Variants in IMMP2L observed in about 807,000 individuals in gnomAD.
The protein encoded by IMMP2L is inner mitochondrial membrane peptidase subunit 2.
Under a neutral mutation model 19.3 loss-of-function variants are expected in IMMP2L, and 18 were observed. The observed-to-expected ratio is 0.93, with a 90% CI of 0.64 to 1.38. IMMP2L has a LOEUF of 1.38. Among genes scored for constraint, IMMP2L ranks in the 40% most tolerant of loss-of-function variants. The probability of loss-of-function intolerance (pLI) is 0.00; values close to 1 mark genes in which losing one functional copy is unlikely to be tolerated. For missense variants in IMMP2L, 233 were observed against 218.2 expected, an observed-to-expected ratio of 1.07 and a Z score of -0.43; for synonymous variants, 76 against 73.0, an observed-to-expected ratio of 1.04 and a Z score of -0.21.
At chr7:111,553,482 T>A (rs1790916195) in intron 1 of IMMP2L, among the ~76,000 whole-genome samples, 1 of 152,146 alleles carries the variant, frequency 6.6e-6, no homozygotes. Flanking sequence ...TGTGGAGTTG[T>A]TACTATTTTC....
chr7:111,224,997 C>T (rs929565657), intron 3 of IMMP2L, among the ~76,000 whole-genome samples: 2 of 152,108 alleles, frequency 1.3e-5, no homozygotes, highest in African/African-American at 4.8e-5. Flanking sequence ...GCACTCACTG[C>T]AACTAGAGTA....
chr7:111,507,542 CAG>C (rs1845042315), intron 2 of IMMP2L, among the ~76,000 whole-genome samples: 1 of 152,114 alleles, frequency 6.6e-6, no homozygotes, highest in Non-Finnish European at 1.5e-5. Context: ...TTTCTATTAA[CAG>C]TTGTTTGCCA....
intron 3 of IMMP2L, among the ~76,000 whole-genome samples, chr7:111,352,715 C>T (rs1584761894): frequency 6.6e-6 from 1 of 152,140 alleles, no homozygotes; most frequent in Non-Finnish European, 1.5e-5. Context: ...GAAGTTCACA[C>T]AGCAGCCGCA....
chr7:110,945,459 G>A (rs1817158660), intron 4 of IMMP2L, among the ~76,000 whole-genome samples: 1 of 151,776 alleles, frequency 6.6e-6, no homozygotes. Context: ...TCCCTTTTTG[G>A]GAGACCTCAA....
chr7:111,339,836 A>G (rs1826833681), intron 3 of IMMP2L, among the ~76,000 whole-genome samples: 1 of 151,988 alleles, frequency 6.6e-6, no homozygotes, highest in South Asian at 2.1e-4. Context: ...TCCAAACACC[A>G]TACTGAAAGG....
intron 3 of IMMP2L, among the ~76,000 whole-genome samples, chr7:111,471,232 T>TA (rs1260735750): frequency 1.5e-4 from 23 of 152,050 alleles, no homozygotes; most frequent in Non-Finnish European, 2.8e-4. Context: ...TGTTTGGAAA[T>TA]AAACATCAGT....
chr7:111,338,203 A>G lies in IMMP2L; in HGVS notation c.239+149035T>C, dbSNP rs140305767. Among the ~76,000 whole-genome samples the G allele has an allele frequency of 4.3e-4, 65 of 152,284 alleles. 1 individual carries two copies. Among genetic ancestry groups the G allele is most frequent in the African/African-American group, 1.4e-3 (59 of 41,566 alleles). On this transcript the variant is annotated intron_variant, in intron 3 of 5. Transcript: ENST00000405709. Reference sequence around the variant, plus strand: ...ATGATAACTGTAGGGCAAAGATGAGATCAGTTTAACAGAGGAGAGTGTTTG... The same window carrying G: ...ATGATAACTGTAGGGCAAAGATGAGGTCAGTTTAACAGAGGAGAGTGTTTG...
At chr7:110,868,425 T>G (rs185273858) in intron 5 of IMMP2L, among the ~76,000 whole-genome samples, 2 of 152,136 alleles carry the variant, frequency 1.3e-5, no homozygotes, top group Admixed American at 1.3e-4. Flanking sequence ...AAGTGTAAAG[T>G]GGCACAGTAG....
At chr7:110,887,262 T>TA (rs777304036) in intron 4 of IMMP2L, among the ~76,000 whole-genome samples, 2 of 152,110 alleles carry the variant, frequency 1.3e-5, no homozygotes, top group African/African-American at 4.8e-5. Context: ...TAACCAGCAC[T>TA]AAAGTATTCC....
intron 5 of IMMP2L, among the ~76,000 whole-genome samples, chr7:110,744,917 C>T (rs569225682): frequency 7.2e-5 from 11 of 152,042 alleles, no homozygotes; most frequent in East Asian, 1.9e-4. Flanking sequence ...AATTGACAGA[C>T]GTTAAGCTCC....
intron 3 of IMMP2L, among the ~76,000 whole-genome samples, chr7:111,078,118 C>T (rs1175928151): frequency 3.3e-5 from 5 of 152,132 alleles, no homozygotes; most frequent in Non-Finnish European, 5.9e-5. Context: ...GCCTATTTAT[C>T]GTCTACCTCT....
intron 3 of IMMP2L, among the ~76,000 whole-genome samples, chr7:111,281,194 GAAAGA>G: frequency 1.9e-5 from 1 of 52,302 alleles, no homozygotes; most frequent in Admixed American, 2.2e-4. Context: ...AAGAAAGAAA[GAAAGA>G]AAGAAAGAAA....
intron 1 of IMMP2L, among the ~76,000 whole-genome samples, chr7:111,534,644 G>C (rs938415549): frequency 2.6e-5 from 4 of 152,016 alleles, no homozygotes; most frequent in African/African-American, 9.7e-5. Flanking sequence ...TGCTACAATA[G>C]CTATTTCTTA....
intron 5 of IMMP2L, among the ~76,000 whole-genome samples, chr7:110,691,015 C>A (rs797021039): frequency 7.9e-5 from 12 of 152,166 alleles, no homozygotes; most frequent in African/African-American, 2.9e-4. Context: ...ATAGCCATAA[C>A]AATCCTAAAC....
intron 3 of IMMP2L, among the ~76,000 whole-genome samples, chr7:111,236,249 C>T (rs912857856): frequency 6.6e-6 from 1 of 151,900 alleles, no homozygotes; most frequent in Non-Finnish European, 1.5e-5. Flanking sequence ...ATGATTTTCA[C>T]CTTTTGGGGT....
chr7:110,688,039 TGGA>T (rs1793240787), intron 5 of IMMP2L, among the ~76,000 whole-genome samples: 1 of 151,922 alleles, frequency 6.6e-6, no homozygotes, highest in African/African-American at 2.4e-5. Context: ...TGACAGTCCC[TGGA>T]GAAGAAATGT....
chr7:111,387,975 T>TAAAAAA (rs750267136), intron 3 of IMMP2L, among the ~76,000 whole-genome samples: 3 of 93,412 alleles, frequency 3.2e-5, no homozygotes, highest in Admixed American at 1.2e-4. Context: ...ACTCTGTCTT[T>TAAAAAA]AAAAAAAAAA....
At position 111,231,414 on chromosome 7, in the gene IMMP2L, G is replaced by T. The variant is rs73201094; in HGVS notation, c.239+255824C>A. Among the ~76,000 whole-genome samples, 309 of 151,952 alleles carry T rather than the reference G, an allele frequency of 2.0e-3. 2 individuals are homozygous for T. The highest frequency in any genetic ancestry group is 3.2e-3 in the Non-Finnish European group (218 of 67,920). On this transcript the variant is annotated intron_variant, in intron 3 of 5. Coordinates refer to ENST00000405709, the MANE Select transcript of IMMP2L (RefSeq NM_032549.4). Reference sequence around the variant, plus strand: ...AAGGCAAGCTCTATCCCCACTAAAGGTATTTACCTAGACTTTCTCCCAAAT... The same window carrying T: ...AAGGCAAGCTCTATCCCCACTAAAGTTATTTACCTAGACTTTCTCCCAAAT...
chr7:110,765,140 A>G (rs1406050), intron 5 of IMMP2L, among the ~76,000 whole-genome samples: 38,766 of 152,032 alleles, frequency 0.25, 5,266 homozygotes, highest in Middle Eastern at 0.33. Flanking sequence ...AAGATAAAAG[A>G]TATCTTGTAG....
Sources: allele counts gnomAD v4.1 joint callset (sites outside exome capture counted in the v4.1 genomes callset), GRCh38; gene constraint gnomAD v4.1.1; transcripts MANE v1.5; gene names NCBI Gene and HGNC (gene_info 2026-07-23, HGNC 2026-07-21).